Variants in BRWD1 observed in about 807,000 individuals in gnomAD.
BRWD1 encodes bromodomain and WD repeat-containing protein 1.
BRWD1 carries 82 observed loss-of-function variants against 251.2 expected under a neutral mutation model. The ratio of observed to expected loss-of-function variants is 0.33; its 90% CI spans 0.27 to 0.39. BRWD1 has a LOEUF of 0.39. BRWD1 is among the 10% of genes least tolerant of loss of function. The pLI is 1.00. For synonymous variants in BRWD1, 918 were observed against 902.8 expected (o/e 1.02, Z -0.30); for missense variants, 2,233 against 2,711.6 (o/e 0.82, Z 3.92).
chr21:39,250,747 A>G (rs376908449), intron 20 of BRWD1, 49 bp downstream of exon 20: 71 of 1,165,510 alleles, frequency 6.1e-5, no homozygotes, highest in African/African-American at 1.7e-4. Context: ...AGAAAACTCT[A>G]TATTTCAATG....
intron 23 of BRWD1, chr21:39,235,551 A>T (rs1390442647): frequency 4.9e-6 from 1 of 202,210 alleles, no homozygotes; most frequent in Non-Finnish European, 1.1e-5. Context: ...GAGATGGTCC[A>T]GTGTTTGGAG....
chr21:39,191,846 G>A lies in BRWD1; in HGVS notation c.*4413C>T, dbSNP rs1238852356. 1 of 984,730 alleles carries A rather than the reference G, an allele frequency of 1.0e-6. No homozygotes were observed. The highest frequency in any genetic ancestry group is 1.2e-6 in the Non-Finnish European group (1 of 829,554). The allele number at this position is 984,730 out of a possible 1,614,324, so 61.0% of individuals were successfully genotyped here. A position where few individuals can be genotyped will look rare whatever the true frequency, so the allele number is the denominator to read the frequency against. On this transcript the variant is annotated 3_prime_UTR_variant, in exon 41 of 41. Coordinates refer to ENST00000342449, the MANE Select transcript of BRWD1 (RefSeq NM_033656.4). ...ATCTCATTTAAGGGCTTTAATAAATGAAAAAACTTACCTTAAAACTGACAT... is the reference window on the plus strand; with the variant it reads ...ATCTCATTTAAGGGCTTTAATAAATAAAAAAACTTACCTTAAAACTGACAT...
chr21:39,206,096 T>C lies in BRWD1; in HGVS notation c.4364+12A>G. ...ATAAATAAATAAAGCAAGCTTGCCATAACCAGTTTACCTGATACTTTTGTT... is the reference window on the plus strand; with the variant it reads ...ATAAATAAATAAAGCAAGCTTGCCACAACCAGTTTACCTGATACTTTTGTT... On this transcript the variant is annotated intron_variant, in intron 37 of 40. Transcript: ENST00000342449. 1 of 1,594,540 alleles carries C rather than the reference T, an allele frequency of 6.3e-7. No individual in the cohort carries two copies. Among genetic ancestry groups the C allele is most frequent in the East Asian group, 2.2e-5 (1 of 44,610 alleles).
chr21:39,255,014 A>G (rs1429545274), intron 19 of BRWD1, among the ~76,000 whole-genome samples: 1 of 152,236 alleles, frequency 6.6e-6, no homozygotes, highest in Non-Finnish European at 1.5e-5. Context: ...TCTTATCTTT[A>G]GAAATACACA....
intron 13 of BRWD1, among the ~76,000 whole-genome samples, chr21:39,273,067 GA>G (rs2035169019): frequency 1.3e-5 from 2 of 152,286 alleles, no homozygotes; most frequent in South Asian, 4.1e-4. Flanking sequence ...AAAATGAGAA[GA>G]TATTTTCTCA....
intron 5 of BRWD1, chr21:39,297,214 AAAG>A (rs1263124953): frequency 1.0e-6 from 1 of 985,284 alleles, no homozygotes; most frequent in African/African-American, 1.7e-5. Flanking sequence ...TTCATAACTC[AAAG>A]AAGAAAGGGA....
At chr21:39,302,184 A>C (rs182369102) in intron 4 of BRWD1, among the ~76,000 whole-genome samples, 212 of 151,750 alleles carry the variant, frequency 1.4e-3, no homozygotes, top group African/African-American at 5.0e-3. Context: ...GGGTTTCACC[A>C]TGTTGGCCAG....
chr21:39,312,683 A>C, intron 4 of BRWD1, 158 bp downstream of exon 4: 1 of 454,326 alleles, frequency 2.2e-6, no homozygotes, highest in Middle Eastern at 7.0e-4. Flanking sequence ...CCTCAAAAAC[A>C]AAACAAAATC....
chr21:39,210,273 C>A, intron 35 of BRWD1, 126 bp from the exon 36 acceptor site: 4 of 725,408 alleles, frequency 5.5e-6, no homozygotes, highest in South Asian at 2.4e-5. Flanking sequence ...TCTTAAAATT[C>A]ATTAGTAATG....
At chr21:39,205,499 C>T (rs554725315) in intron 37 of BRWD1, among the ~76,000 whole-genome samples, 12 of 152,182 alleles carry the variant, frequency 7.9e-5, no homozygotes, top group East Asian at 1.9e-4. Flanking sequence ...GGGCTGAGCG[C>T]GGTGGCTCAC....
chr21:39,219,746 T>A (rs2033097516), intron 29 of BRWD1: 1 of 152,212 alleles, frequency 6.6e-6, no homozygotes, highest in African/African-American at 2.4e-5. Flanking sequence ...TAGAATTAAG[T>A]CATATGATGT....
intron 19 of BRWD1, among the ~76,000 whole-genome samples, chr21:39,254,530 CACAT>C (rs1203631462): frequency 2.0e-5 from 3 of 152,168 alleles, no homozygotes; most frequent in Non-Finnish European, 4.4e-5. Context: ...AAAACACACA[CACAT>C]ACAAATTGGT....
intron 4 of BRWD1, among the ~76,000 whole-genome samples, chr21:39,302,494 G>C (rs544044209): frequency 6.6e-6 from 1 of 152,226 alleles, no homozygotes; most frequent in African/African-American, 2.4e-5. Context: ...CAGTGGCTCA[G>C]ACTTGTAATC....
At chr21:39,277,187 C>A in intron 11 of BRWD1, 64 bp downstream of exon 11, 2 of 1,172,522 alleles carry the variant, frequency 1.7e-6, no homozygotes, top group Non-Finnish European at 2.4e-6. Flanking sequence ...TAACAATGCC[C>A]CTTAGCAATA....
At chr21:39,293,373 A>G (rs186553927) in intron 8 of BRWD1, among the ~76,000 whole-genome samples, 13 of 151,884 alleles carry the variant, frequency 8.6e-5, no homozygotes, top group Admixed American at 7.2e-4. Flanking sequence ...GACACCTGTA[A>G]TTCTAGCTAC....
At chr21:39,314,198 G>T (rs766394647), upstream of BRWD1, 20 of 456,010 alleles carry the variant, frequency 4.4e-5, no homozygotes, top group African/African-American at 3.8e-4. Flanking sequence ...TCCCGCAGAG[G>T]GGAACGCCGC....
chr21:39,312,807 G>A (rs764969945), intron 4 of BRWD1, 34 bp downstream of exon 4: 14 of 1,577,882 alleles, frequency 8.9e-6, no homozygotes, highest in Non-Finnish European at 1.2e-5. Flanking sequence ...GCGGTGCACG[G>A]AAAACCCGGG....
chr21:39,193,109 C>A lies in BRWD1; in HGVS notation c.*3150G>T. 1 of 985,036 alleles carries A rather than the reference C, an allele frequency of 1.0e-6. No individual in the cohort carries two copies. The highest frequency in any genetic ancestry group is 1.2e-6 in the Non-Finnish European group (1 of 829,678). The allele number at this position is 985,036 out of a possible 1,614,324, so 61.0% of individuals were successfully genotyped here. A position where few individuals can be genotyped will look rare whatever the true frequency, so the allele number is the denominator to read the frequency against. On this transcript the variant is annotated 3_prime_UTR_variant, in exon 41 of 41. Coordinates refer to ENST00000342449, the MANE Select transcript of BRWD1 (RefSeq NM_033656.4). ...TTGGTTTGTTTTATATTCCCCTTTT[C>A]CATTTGCCCTTCTGTTTTGAAGTGC... is the stretch of plus-strand genomic sequence containing the variant.
upstream of BRWD1, chr21:39,313,678 C>G (rs11910705): frequency 2.8e-4 from 110 of 388,216 alleles, no homozygotes; most frequent in Middle Eastern, 6.8e-4. Flanking sequence ...CCGCGGGAGA[C>G]GAAAAGTAGT....
Sources: gnomAD v4.1 joint callset for allele counts (sites outside exome capture counted in the v4.1 genomes callset) on GRCh38, gnomAD v4.1.1 for gene constraint, MANE v1.5 for transcripts, NCBI Gene and HGNC (gene_info 2026-07-23, HGNC 2026-07-21) for gene names.